ZNF358: variants seen among roughly 807,000 people sequenced by gnomAD.
ZNF358 encodes zinc finger protein 358.
ZNF358 carries 1 observed loss-of-function variant against 2.1 expected under a neutral mutation model. The ratio of observed to expected loss-of-function variants is 0.49; its 90% CI spans 0.17 to 2.30. ZNF358 has a LOEUF of 2.30. Ranked by LOEUF, ZNF358 falls within the 30% of genes most tolerant of loss-of-function variation. ZNF358 has a pLI of 0.26. For synonymous variants in ZNF358, 381 were observed against 359.7 expected, an observed-to-expected ratio of 1.06 and a Z score of -0.67; for missense variants, 665 against 806.8, an observed-to-expected ratio of 0.82 and a Z score of 2.13.
chr19:7,520,442 AGCCGCTGCT>A lies in ZNF358; in HGVS notation c.1203_1211del (p.Ala414_Ala416del), dbSNP rs2022450647. 6.9e-7 allele frequency: 1 copy of A among 1,445,016 alleles called. No individual in the cohort carries two copies. Among genetic ancestry groups the A allele is most frequent in the Admixed American group, 2.0e-5 (1 of 50,122 alleles). The allele number at this position is 1,445,016 out of a possible 1,614,324, so 89.5% of individuals were successfully genotyped here. On this transcript the variant is annotated inframe_deletion, in exon 2 of 2. Transcript: ENST00000597229. This position sits in a 1 kb window ranked among gnomAD's most constrained non-coding sequence, Gnocchi z 6.0. ...AGCACAAACGGGTGCATGAGGGTGC[AGCCGCTGCT>A]GCAGCTGCCGCGGCCGCTGCAGCTG...
Position 7,520,475 on chromosome 19 carries a change from T to TGCAGCA in ZNF358, c.1236_1241dup (p.Ala415_Ala416dup). Reference sequence around the variant, plus strand: ...CTGCAGCTGCCGCGGCCGCTGCAGCTGCAGCAGCGGCCGCCGGCCTGGGCC... The same window carrying TGCAGCA: ...CTGCAGCTGCCGCGGCCGCTGCAGCTGCAGCAGCAGCAGCGGCCGCCGGCCTGGGCC... On this transcript the variant is annotated inframe_insertion, in exon 2 of 2. Coordinates refer to ENST00000597229, the MANE Select transcript of ZNF358 (RefSeq NM_018083.5). The surrounding 1 kb of genome is among the most constrained non-coding windows in gnomAD (Gnocchi z 6.0). 1 of 756,366 alleles carries TGCAGCA rather than the reference T, an allele frequency of 1.3e-6. No individual in the cohort carries two copies. Among genetic ancestry groups the TGCAGCA allele is most frequent in the Non-Finnish European group, 1.9e-6 (1 of 515,626 alleles). The allele number at this position is 756,366 out of a possible 1,614,324, so 46.9% of individuals were successfully genotyped here.
rs781616433 is a variant in ZNF358 at position 7,520,937 on chromosome 19, G to A, written c.1695G>A (p.Gly565=). 12 of 1,613,156 alleles carry A rather than the reference G, an allele frequency of 7.4e-6. No individual in the cohort carries two copies. In the South Asian group the frequency reaches 1.3e-4, roughly 18 times the overall value. The change falls in exon 2 of 2, where the codon GGG becomes GGA. Residue 565 remains glycine (G), a synonymous_variant. Transcript: ENST00000597229. This position sits in a 1 kb window ranked among gnomAD's most constrained non-coding sequence, Gnocchi z 6.0. The part of the protein sequence containing the change: ...EWVQEQGALL[G]PDG ...TACAGGAGCAAGGGGCACTGCTGGG[G>A]CCTGATGGCTGAAGGAGACGCCGGC... is the stretch of plus-strand genomic sequence containing the variant.
chr19:7,519,711 G>T lies in ZNF358; in HGVS notation c.469G>T (p.Gly157Trp). The change falls in exon 2 of 2, where the codon GGG becomes TGG. Residue 157 changes from glycine (G) to tryptophan (W), a missense_variant. Coordinates refer to ENST00000597229, the MANE Select transcript of ZNF358 (RefSeq NM_018083.5). ...CCGGCCCTTCTCCTGCCCGGATTGC[G>T]GGCGAGCCTTCCGCCGCAGCTCCGG... ...PPRPFSCPDC[G>W]RAFRRSSGLS... The T allele has an allele frequency of 6.3e-7, 1 of 1,579,742 alleles. No individual in the cohort carries two copies. Among genetic ancestry groups the T allele is most frequent in the Non-Finnish European group, 8.5e-7 (1 of 1,170,568 alleles).
In ZNF358 at chr19:7,516,314, G is replaced by A. The variant is rs1032420445; in HGVS notation, c.-39+65G>A. The A allele has an allele frequency of 3.7e-5, 5 of 133,758 alleles. No homozygotes were observed. The highest frequency in any genetic ancestry group is 6.5e-5 in the Non-Finnish European group (4 of 61,092). 8.3% of individuals were successfully genotyped at this position (133,758 alleles called of 1,614,324 possible). A position where few individuals can be genotyped will look rare whatever the true frequency, so the allele number is the denominator to read the frequency against. On this transcript the variant is annotated intron_variant, in intron 1 of 1. Coordinates refer to ENST00000597229, the MANE Select transcript of ZNF358 (RefSeq NM_018083.5). This position sits in a 1 kb window ranked among gnomAD's most constrained non-coding sequence, Gnocchi z 5.9. ...GCTGGGTGGGGGGCGGGCGGGCGGG[G>A]GAGCTCCAGGCGCGGGGCGCAGCCC...
upstream of ZNF358, among the ~76,000 whole-genome samples, chr19:7,514,701 C>T (rs374689826): frequency 2.6e-4 from 40 of 152,266 alleles, 1 homozygote; most frequent in South Asian, 6.2e-4. Context: ...GGTGCAATCT[C>T]GGCTCACTGC....
rs553646763 is a variant in ZNF358, at chr19:7,520,460, C to A, written c.1218C>A (p.Ala406=). 2.4e-5 allele frequency: 28 copies of A among 1,152,066 alleles called. No homozygotes were observed. The highest frequency in any genetic ancestry group is 1.6e-4 in the South Asian group (11 of 69,922). The allele number at this position is 1,152,066 out of a possible 1,614,324, so 71.4% of individuals were successfully genotyped here. ...VHEGAAAAAA[A]AAAAAAAAAA... is the part of the protein sequence containing the mutation. ...AGGGTGCAGCCGCTGCTGCAGCTGCCGCGGCCGCTGCAGCTGCAGCAGCGG... is the reference window on the plus strand; with the variant it reads ...AGGGTGCAGCCGCTGCTGCAGCTGCAGCGGCCGCTGCAGCTGCAGCAGCGG... Residue 406 remains alanine (A), a synonymous_variant, in exon 2 of 2, where the codon GCC becomes GCA. Transcript: ENST00000597229. The surrounding 1 kb of genome is among the most constrained non-coding windows in gnomAD (Gnocchi z 6.0).
chr19:7,514,284 G>C (rs1485548475), upstream of ZNF358, among the ~76,000 whole-genome samples: 2 of 152,218 alleles, frequency 1.3e-5, no homozygotes, highest in Non-Finnish European at 2.9e-5. Flanking sequence ...AGGGGTGTTA[G>C]ACACATGTGC....
rs147948386 is a variant in ZNF358 at position 7,520,720 on chromosome 19, C to A, written c.1478C>A (p.Ser493Tyr). The A allele has an allele frequency of 9.1e-4, 1,469 of 1,613,796 alleles. 1 individual carries two copies. Among genetic ancestry groups the A allele is most frequent in the Non-Finnish European group, 1.2e-3 (1,416 of 1,179,996 alleles). Residue 493 changes from serine (S) to tyrosine (Y), a missense_variant, in exon 2 of 2, where the codon TCT becomes TAT. This residue lies in a region of ZNF358 where 249 missense variants were observed against 227.6 expected (regional missense o/e 1.09). Coordinates refer to ENST00000597229, the MANE Select transcript of ZNF358 (RefSeq NM_018083.5). The surrounding 1 kb of genome is among the most constrained non-coding windows in gnomAD (Gnocchi z 6.0). ...RSTPSPTPVE[S>Y]SDPKAGHDAG... The stretch of plus-strand genomic sequence containing the variant: ...ACCCCCAGCCCTACTCCTGTGGAAT[C>A]TTCTGACCCAAAGGCTGGGCACGAC...
Position 7,520,962 on chromosome 19 carries a change from C to A in ZNF358, c.*13C>A. The A allele has an allele frequency of 6.2e-7, 1 of 1,609,228 alleles. No homozygotes were observed. ...GCCTGATGGCTGAAGGAGACGCCGG[C>A]ATCCTCGGGGGCCTGGGGAAGTTGT... On this transcript the variant is annotated 3_prime_UTR_variant, in exon 2 of 2. Transcript: ENST00000597229. This position sits in a 1 kb window ranked among gnomAD's most constrained non-coding sequence, Gnocchi z 6.0.
Position 7,520,331 on chromosome 19 carries a change from C to T in ZNF358, c.1089C>T (p.Leu363=). 6.2e-7 allele frequency: 1 copy of T among 1,612,148 alleles called. No homozygotes were observed. Among genetic ancestry groups the T allele is most frequent in the Non-Finnish European group, 8.5e-7 (1 of 1,179,674 alleles). Reference sequence around the variant, plus strand: ...CCTTCGGCCAGAGCTCAGCGCTGCTCCAGCACCTGCACGTGCATTCGGGCG... The same window carrying T: ...CCTTCGGCCAGAGCTCAGCGCTGCTTCAGCACCTGCACGTGCATTCGGGCG... ...SKAFGQSSAL[L]QHLHVHSGER... is the part of the protein sequence containing the mutation. The change falls in exon 2 of 2, where the codon CTC becomes CTT. Residue 363 remains leucine (L), a synonymous_variant. Transcript: ENST00000597229. This position sits in a 1 kb window ranked among gnomAD's most constrained non-coding sequence, Gnocchi z 6.0.
chr19:7,520,286 C>T lies in ZNF358; in HGVS notation c.1044C>T (p.Ala348=). ...LRIHTGERPY[A]CPHCSKAFGQ... ...TCCACACGGGCGAGCGGCCCTACGC[C>T]TGCCCGCACTGCTCCAAGGCCTTCG... The change falls in exon 2 of 2, where the codon GCC becomes GCT. Residue 348 remains alanine, a synonymous_variant. Coordinates refer to ENST00000597229, the MANE Select transcript of ZNF358 (RefSeq NM_018083.5). This position sits in a 1 kb window ranked among gnomAD's most constrained non-coding sequence, Gnocchi z 6.0. The T allele has an allele frequency of 6.2e-7, 1 of 1,609,458 alleles. No individual in the cohort carries two copies. Among genetic ancestry groups the T allele is most frequent in the African/African-American group, 1.3e-5 (1 of 74,706 alleles).
chr19:7,519,181 T>C, intron 1 of ZNF358, 24 bp from the exon 2 acceptor site: 1 of 1,555,082 alleles, frequency 6.4e-7, no homozygotes, highest in Non-Finnish European at 8.7e-7. Context: ...ACCTACCCTC[T>C]ACCCTCTATC....
At position 7,520,480 on chromosome 19, in the gene ZNF358, C is replaced by T. The variant is rs1386388714; in HGVS notation, c.1238C>T (p.Ala413Val). The T allele has an allele frequency of 8.5e-7, 1 of 1,174,496 alleles. No individual in the cohort carries two copies. Among genetic ancestry groups the T allele is most frequent in the South Asian group, 1.5e-5 (1 of 65,176 alleles). The allele number at this position is 1,174,496 out of a possible 1,614,324, so 72.8% of individuals were successfully genotyped here. ...AAAAAAAAAA[A>V]AAAGLGLGPG... Reference sequence around the variant, plus strand: ...GCTGCCGCGGCCGCTGCAGCTGCAGCAGCGGCCGCCGGCCTGGGCCTCGGG... The same window carrying T: ...GCTGCCGCGGCCGCTGCAGCTGCAGTAGCGGCCGCCGGCCTGGGCCTCGGG... The change falls in exon 2 of 2, where the codon GCA becomes GTA. Residue 413 changes from alanine to valine, a missense_variant. Physicochemically the swap from Ala to Val is moderately conservative, Grantham distance 64 (BLOSUM62 0). Coordinates refer to ENST00000597229, the MANE Select transcript of ZNF358 (RefSeq NM_018083.5). The surrounding 1 kb of genome is among the most constrained non-coding windows in gnomAD (Gnocchi z 6.0).
Position 7,520,521 on chromosome 19 carries a change from G to C in ZNF358, c.1279G>C (p.Ala427Pro). The change falls in exon 2 of 2, where the codon GCA (alanine) becomes CCA (proline). Residue 427 changes from alanine (A) to proline (P), a missense_variant. Transcript: ENST00000597229. This position sits in a 1 kb window ranked among gnomAD's most constrained non-coding sequence, Gnocchi z 6.0. ...GGGCCTCGGGCCTGGCCTAAGCCCTGCATCCATGATGAGGCCGGGGCAGGT... is the reference window on the plus strand; with the variant it reads ...GGGCCTCGGGCCTGGCCTAAGCCCTCCATCCATGATGAGGCCGGGGCAGGT... ...GLGLGPGLSP[A>P]SMMRPGQVSL... is the part of the protein sequence containing the mutation. The C allele has an allele frequency of 7.8e-7, 1 of 1,276,628 alleles. No individual in the cohort carries two copies. Among genetic ancestry groups the C allele is most frequent in the Non-Finnish European group, 1.1e-6 (1 of 898,364 alleles). The allele number at this position is 1,276,628 out of a possible 1,614,324, so 79.1% of individuals were successfully genotyped here.
intron 1 of ZNF358, among the ~76,000 whole-genome samples, chr19:7,518,485 GGAAAGAAGGAAGAAGAGAGA>G (rs1362591248): frequency 1.5e-3 from 216 of 144,944 alleles, no homozygotes; most frequent in African/African-American, 4.8e-3. Context: ...AAAGAAGGAA[GGAAAGAAGGAAGAAGAGAGA>G]GAAGGAAGGA....
At position 7,520,466 on chromosome 19, in the gene ZNF358, CGCTGCA is replaced by C. The variant is rs768067157; in HGVS notation, c.1233_1238del (p.Ala415_Ala416del). 1.4e-5 allele frequency: 16 copies of C among 1,124,928 alleles called. No individual in the cohort carries two copies. In the African/African-American group the frequency reaches 2.2e-4, roughly 16 times the overall value. 69.7% of individuals were successfully genotyped at this position (1,124,928 alleles called of 1,614,324 possible). Reference sequence around the variant, plus strand: ...CAGCCGCTGCTGCAGCTGCCGCGGCCGCTGCAGCTGCAGCAGCGGCCGCCGGCCTGG... The same window carrying C: ...CAGCCGCTGCTGCAGCTGCCGCGGCCGCTGCAGCAGCGGCCGCCGGCCTGG... On this transcript the variant is annotated inframe_deletion, in exon 2 of 2. Transcript: ENST00000597229. This position sits in a 1 kb window ranked among gnomAD's most constrained non-coding sequence, Gnocchi z 6.0.
Position 7,519,901 on chromosome 19 carries a change from C to T in ZNF358, c.659C>T (p.Ser220Phe). Reference protein sequence around the residue: ...AACGKAFGWRSTLLKHRSSHS... With the variant: ...AACGKAFGWRFTLLKHRSSHS... ...TGCGGCAAGGCCTTCGGCTGGCGCT[C>T]CACGCTGCTGAAACATCGCAGCAGC... is the stretch of plus-strand genomic sequence containing the variant. The change falls in exon 2 of 2, where the codon TCC becomes TTC. Residue 220 changes from serine (S) to phenylalanine (F), a missense_variant. Ser to Phe is a radical substitution (Grantham distance 155, BLOSUM62 -2). Around this residue, in one of 3 missense-constraint regions of ZNF358, gnomAD observed 210 missense variants for 350.8 expected, o/e 0.60. Transcript: ENST00000597229. The T allele has an allele frequency of 1.3e-6, 2 of 1,529,260 alleles. No homozygotes were observed. The highest frequency in any genetic ancestry group is 1.7e-6 in the Non-Finnish European group (2 of 1,144,098). The allele number at this position is 1,529,260 out of a possible 1,614,324, so 94.7% of individuals were successfully genotyped here. A position where few individuals can be genotyped will look rare whatever the true frequency, so the allele number is the denominator to read the frequency against.
At chr19:7,517,700 A>T (rs1464896286) in intron 1 of ZNF358, among the ~76,000 whole-genome samples, 2 of 152,148 alleles carry the variant, frequency 1.3e-5, no homozygotes, top group Non-Finnish European at 2.9e-5. Flanking sequence ...ATCTGGCTGT[A>T]GGAAAGGGCA....
upstream of ZNF358, among the ~76,000 whole-genome samples, chr19:7,515,916 G>T (rs1004981097): frequency 1.3e-5 from 2 of 152,082 alleles, no homozygotes; most frequent in African/African-American, 2.4e-5. Context: ...CCCAGGAGGA[G>T]ACTAGGGATG....
Sources: allele counts gnomAD v4.1 joint callset (sites outside exome capture counted in the v4.1 genomes callset), GRCh38; gene constraint gnomAD v4.1.1; regional missense constraint gnomAD v4.1.1; non-coding constraint Gnocchi (gnomAD v3.1); transcripts MANE v1.5; gene names NCBI Gene and HGNC (gene_info 2026-07-23, HGNC 2026-07-21).